PTPRQ: variants seen among roughly 807,000 people sequenced by gnomAD.
PTPRQ encodes the protein phosphatidylinositol phosphatase PTPRQ.
Under a neutral mutation model 246.0 loss-of-function variants are expected in PTPRQ, and 199 were observed. The observed-to-expected ratio is 0.81, with a 90% confidence interval of 0.72 to 0.91. PTPRQ has a LOEUF of 0.91. Among genes scored for constraint, PTPRQ ranks in the 40% least tolerant of loss-of-function variants. The pLI is 0.00. For synonymous variants in PTPRQ, 869 were observed against 853.2 expected (o/e 1.02, Z -0.32); for missense variants, 2,624 against 2,528.4 (o/e 1.04, Z -0.81).
At chr12:80,650,054 G>A (rs1054315960) in intron 37 of PTPRQ, among the ~76,000 whole-genome samples, 2 of 151,794 alleles carry the variant, frequency 1.3e-5, no homozygotes, top group Non-Finnish European at 2.9e-5. Flanking sequence ...TTTTACATTT[G>A]GACACTAAAT....
At position 80,486,782 on chromosome 12, in the gene PTPRQ, G is replaced by C. The variant is rs76403432; in HGVS notation, c.1359+2177G>C. Among the ~76,000 whole-genome samples the C allele has an allele frequency of 3.8e-3, 584 of 152,156 alleles. 7 individuals carry two copies. Among genetic ancestry groups the C allele is most frequent in the African/African-American group, 0.014 (568 of 41,520 alleles). ...TTAAATGCTTGAAATCTTATTAGAA[G>C]TCACCAGTGACCTCCCCAGTGTGCA... On this transcript the variant is annotated intron_variant, in intron 9 of 44. Transcript: ENST00000644991.
chr12:80,458,459 T>G (rs1893045760), intron 4 of PTPRQ, among the ~76,000 whole-genome samples: 1 of 152,184 alleles, frequency 6.6e-6, no homozygotes, highest in Non-Finnish European at 1.5e-5. Context: ...ATAAATTATA[T>G]TTTAGCATCC....
intron 17 of PTPRQ, among the ~76,000 whole-genome samples, chr12:80,528,670 A>G (rs1296431311): frequency 1.3e-5 from 2 of 152,136 alleles, no homozygotes; most frequent in Non-Finnish European, 2.9e-5. Context: ...AGTTGAGGTG[A>G]CTATCTCAAA....
intron 9 of PTPRQ, among the ~76,000 whole-genome samples, chr12:80,489,948 T>G (rs964811532): frequency 6.1e-5 from 9 of 147,604 alleles, no homozygotes; most frequent in African/African-American, 2.2e-4. Flanking sequence ...ATCCAACATA[T>G]TCCTTGAGAA....
At chr12:80,461,739 T>A (rs1207397367) in intron 6 of PTPRQ, among the ~76,000 whole-genome samples, 1 of 151,520 alleles carries the variant, frequency 6.6e-6, no homozygotes, top group African/African-American at 2.4e-5. Flanking sequence ...TTTTTTCTGA[T>A]AAAATAGCTG....
At chr12:80,481,819 G>A (rs1212436901) in intron 8 of PTPRQ, among the ~76,000 whole-genome samples, 1 of 151,938 alleles carries the variant, frequency 6.6e-6, no homozygotes, top group African/African-American at 2.4e-5. Flanking sequence ...AACTTACAAG[G>A]GATGTGAAGG....
chr12:80,667,298 C>T (rs988610269), intron 39 of PTPRQ, among the ~76,000 whole-genome samples: 2 of 151,840 alleles, frequency 1.3e-5, no homozygotes, highest in Non-Finnish European at 1.5e-5. Flanking sequence ...CACATTATCA[C>T]CAGTGATATG....
intron 33 of PTPRQ, among the ~76,000 whole-genome samples, chr12:80,624,574 A>C (rs1180945899): frequency 6.6e-6 from 1 of 152,102 alleles, no homozygotes; most frequent in African/African-American, 2.4e-5. Flanking sequence ...ATGAGAATGC[A>C]CCCCTGGAGC....
At chr12:80,468,579 T>TA (rs958673543) in intron 6 of PTPRQ, 131 bp from the exon 7 acceptor site, 20 of 896,524 alleles carry the variant, frequency 2.2e-5, no homozygotes, top group African/African-American at 8.7e-5. Flanking sequence ...TTTTTTAAGA[T>TA]AAAAAAACTC....
At chr12:80,674,855 G>A (rs1901085134) in intron 43 of PTPRQ, among the ~76,000 whole-genome samples, 1 of 152,014 alleles carries the variant, frequency 6.6e-6, no homozygotes, top group Non-Finnish European at 1.5e-5. Context: ...TGTCAGGTCT[G>A]ATTACATGTT....
chr12:80,463,721 T>G (rs1893291106), intron 6 of PTPRQ, among the ~76,000 whole-genome samples: 1 of 151,498 alleles, frequency 6.6e-6, no homozygotes, highest in Non-Finnish European at 1.5e-5. Flanking sequence ...TTCAACATTC[T>G]TAAAGAAAAG....
intron 35 of PTPRQ, among the ~76,000 whole-genome samples, chr12:80,642,949 A>G (rs1899939263): frequency 6.7e-6 from 1 of 149,224 alleles, no homozygotes; most frequent in Admixed American, 6.6e-5. Context: ...AAAAAAAACA[A>G]TTGAGTATCT....
intron 26 of PTPRQ, among the ~76,000 whole-genome samples, chr12:80,595,139 A>G (rs1436602799): frequency 6.6e-6 from 1 of 152,014 alleles, no homozygotes; most frequent in Non-Finnish European, 1.5e-5. Context: ...GTTTTTAAGT[A>G]TCTCTTTTGA....
Position 80,445,500 on chromosome 12 carries a change from C to A in PTPRQ, c.173C>A (p.Pro58His), listed in dbSNP as rs1892524468. 6.5e-7 allele frequency: 1 copy of A among 1,537,048 alleles called. No individual in the cohort carries two copies. The highest frequency in any genetic ancestry group is 8.8e-7 in the Non-Finnish European group (1 of 1,141,564). Residue 58 changes from proline (P) to histidine (H), a missense_variant, in exon 3 of 45, where the codon CCT becomes CAT. Pro to His is a moderately conservative substitution (Grantham distance 77, BLOSUM62 -2). Coordinates refer to ENST00000644991, the MANE Select transcript of PTPRQ (RefSeq NM_001145026.2). ...GATTTTTTAAAAATAGAACCAGGGCCTCCAGTCTTCCTAGCCGGGGAAAGA... is the reference window on the plus strand; with the variant it reads ...GATTTTTTAAAAATAGAACCAGGGCATCCAGTCTTCCTAGCCGGGGAAAGA... ...IVTTNVTKPGPPVFLAGERVG... is the reference protein window; with the variant it reads ...IVTTNVTKPGHPVFLAGERVG...
intron 25 of PTPRQ, among the ~76,000 whole-genome samples, chr12:80,575,544 T>G (rs969933980): frequency 6.6e-6 from 1 of 152,110 alleles, no homozygotes; most frequent in East Asian, 1.9e-4. Context: ...AAGGTACCAC[T>G]GCACTCCAGC....
chr12:80,601,009 A>G (rs147387541), intron 26 of PTPRQ, among the ~76,000 whole-genome samples: 43 of 151,490 alleles, frequency 2.8e-4, no homozygotes, highest in Non-Finnish European at 4.6e-4. Context: ...CCTCCTGGAC[A>G]CTCTTTCTCC....
At chr12:80,468,913 T>A in intron 7 of PTPRQ, 75 bp downstream of exon 7, 1 of 1,498,216 alleles carries the variant, frequency 6.7e-7, no homozygotes, top group East Asian at 2.6e-5. Context: ...CAAACTCTGT[T>A]TAAAAGTATC....
chr12:80,543,489 C>A (rs1896215798), intron 23 of PTPRQ, among the ~76,000 whole-genome samples: 1 of 151,868 alleles, frequency 6.6e-6, no homozygotes, highest in South Asian at 2.1e-4. Flanking sequence ...CATTTAATTG[C>A]CAAAATGTAA....
At chr12:80,544,016 T>C (rs181278122) in intron 23 of PTPRQ, among the ~76,000 whole-genome samples, 1 of 152,248 alleles carries the variant, frequency 6.6e-6, no homozygotes, top group East Asian at 1.9e-4. Flanking sequence ...GATAATTGTG[T>C]ACGTGTGTTA....
Sources: allele counts gnomAD v4.1 joint callset (sites outside exome capture counted in the v4.1 genomes callset), GRCh38; gene constraint gnomAD v4.1.1; transcripts MANE v1.5; gene names NCBI Gene and HGNC (gene_info 2026-07-23, HGNC 2026-07-21).